The following NCALD variants were observed in gnomAD, a reference collection of about 807,000 sequenced individuals.
NCALD encodes the protein neurocalcin-delta.
NCALD carries 10 observed loss-of-function variants against 18.6 expected under a neutral mutation model. The observed-to-expected ratio is 0.54, with a 90% CI of 0.33 to 0.91. The LOEUF is 0.91. Ranked by LOEUF, NCALD falls within the 40% of genes least tolerant of loss-of-function variation. The probability of loss-of-function intolerance (pLI) is 0.03; values close to 1 mark genes in which losing one functional copy is unlikely to be tolerated. For synonymous variants in NCALD, 88 were observed against 87.4 expected (o/e 1.01, Z -0.04); for missense variants, 184 against 247.6 (o/e 0.74, Z 1.72).
At position 101,820,904 on chromosome 8, in the gene NCALD, A is replaced by T. The variant is rs112502660; in HGVS notation, c.-20+66237T>A. On this transcript the variant is annotated intron_variant, in intron 4 of 6. Coordinates refer to the NCALD transcript ENST00000311028. ...AATGGCAAATAACCAGAAATTTGGG[A>T]AAGCAATCAGAGAGCAAGACCAAAT... Among the ~76,000 whole-genome samples, 864 of 152,342 alleles carry T rather than the reference A, an allele frequency of 5.7e-3. 11 individuals are homozygous for T. Among genetic ancestry groups the T allele is most frequent in the African/African-American group, 0.018 (759 of 41,568 alleles).
intron 1 of NCALD, among the ~76,000 whole-genome samples, chr8:101,755,490 C>A (rs7017754): frequency 0.7 from 106,671 of 152,024 alleles, 38,028 homozygotes; most frequent in Non-Finnish European, 0.77. Context: ...GGACACAGAT[C>A]ATTTTCATGC....
At chr8:101,725,798 G>A (rs77986693) in intron 1 of NCALD, among the ~76,000 whole-genome samples, 5,356 of 152,264 alleles carry the variant, frequency 0.035, 297 homozygotes, top group African/African-American at 0.12. Context: ...TCCCATCTCC[G>A]TGGCACTTAT....
intron 4 of NCALD, among the ~76,000 whole-genome samples, chr8:101,874,849 TC>T (rs1278869460): frequency 6.6e-6 from 1 of 151,710 alleles, no homozygotes; most frequent in Non-Finnish European, 1.5e-5. Context: ...TTTTAACTCC[TC>T]TCCTCTTCCT....
At chr8:102,115,302 C>T (rs998142235) in intron 1 of NCALD, among the ~76,000 whole-genome samples, 3 of 152,148 alleles carry the variant, frequency 2.0e-5, no homozygotes, top group African/African-American at 4.8e-5. Flanking sequence ...CATGAAGGGG[C>T]ACTTTACCTT....
intron 4 of NCALD, among the ~76,000 whole-genome samples, chr8:101,812,349 G>A (rs1000568925): frequency 3.9e-5 from 6 of 152,252 alleles, no homozygotes; most frequent in Middle Eastern, 3.4e-3. Context: ...TCCAAAATGA[G>A]ATGTTCAGTT....
chr8:101,877,194 C>T lies in NCALD; in HGVS notation c.-20+9947G>A, dbSNP rs184323210. ...AACGCATCTACAAATATATATCCTT[C>T]TGATTCAAAGATAATACTGATTTAA... On this transcript the variant is annotated intron_variant, in intron 4 of 6. Transcript: ENST00000311028. Among the ~76,000 whole-genome samples, 180 of 152,368 alleles carry T rather than the reference C, an allele frequency of 1.2e-3. 1 individual carries two copies. The highest frequency in any genetic ancestry group is 3.4e-3 in the Middle Eastern group (1 of 294).
intron 2 of NCALD, among the ~76,000 whole-genome samples, chr8:101,716,235 C>T (rs906729986): frequency 5.9e-5 from 9 of 151,948 alleles, no homozygotes; most frequent in African/African-American, 1.2e-4. Flanking sequence ...AACCAAACAG[C>T]GCATGTTCTC....
At chr8:101,868,253 A>G (rs1181404709) in intron 4 of NCALD, among the ~76,000 whole-genome samples, 1 of 152,022 alleles carries the variant, frequency 6.6e-6, no homozygotes, top group Non-Finnish European at 1.5e-5. Context: ...GCTCCTCCTC[A>G]TGCATCAAGG....
chr8:101,816,582 C>A (rs1428103522), intron 4 of NCALD, among the ~76,000 whole-genome samples: 1 of 152,116 alleles, frequency 6.6e-6, no homozygotes, highest in Non-Finnish European at 1.5e-5. Flanking sequence ...ATGAGGAGGG[C>A]TCCTGTGTCA....
chr8:101,844,654 C>T (rs546187734), intron 4 of NCALD, among the ~76,000 whole-genome samples: 1 of 152,252 alleles, frequency 6.6e-6, no homozygotes, highest in African/African-American at 2.4e-5. Flanking sequence ...AGCCACTGCA[C>T]CTGACCCTCT....
intron 2 of NCALD, among the ~76,000 whole-genome samples, chr8:102,013,084 G>A (rs968790607): frequency 1.3e-5 from 2 of 151,912 alleles, no homozygotes; most frequent in Admixed American, 1.3e-4. Flanking sequence ...TACTACCTAG[G>A]CACATAAAAC....
chr8:101,700,765 T>C (rs577014943), intron 2 of NCALD, among the ~76,000 whole-genome samples: 2 of 152,274 alleles, frequency 1.3e-5, no homozygotes, highest in Non-Finnish European at 2.9e-5. Context: ...AGTATTAGGC[T>C]AAAGGAGTGG....
intron 4 of NCALD, among the ~76,000 whole-genome samples, chr8:101,806,500 A>G (rs1349144520): frequency 4.6e-5 from 7 of 152,222 alleles, no homozygotes; most frequent in African/African-American, 2.4e-5. Context: ...GAGAATATCA[A>G]TAAAGAGATA....
At chr8:101,937,602 T>C (rs1025103637) in intron 2 of NCALD, among the ~76,000 whole-genome samples, 3 of 152,212 alleles carry the variant, frequency 2.0e-5, no homozygotes, top group African/African-American at 7.2e-5. Flanking sequence ...TATAGTTCAT[T>C]TCCATTTCTT....
intron 2 of NCALD, among the ~76,000 whole-genome samples, chr8:101,975,710 C>T (rs1264106449): frequency 6.6e-6 from 1 of 152,154 alleles, no homozygotes; most frequent in African/African-American, 2.4e-5. Flanking sequence ...AGAGGTTCAC[C>T]TTCCAAAGCT....
chr8:101,781,502 A>G (rs1446388519), intron 1 of NCALD, among the ~76,000 whole-genome samples: 1 of 152,216 alleles, frequency 6.6e-6, no homozygotes, highest in African/African-American at 2.4e-5. Flanking sequence ...ACCAATTTAC[A>G]AACCTTCACA....
intron 4 of NCALD, among the ~76,000 whole-genome samples, chr8:101,850,282 T>C (rs1815039061): frequency 1.3e-5 from 2 of 152,202 alleles, no homozygotes. Flanking sequence ...CAGATGACTC[T>C]TGTGTCAAGG....
At chr8:102,107,970 C>T (rs986414959) in intron 1 of NCALD, among the ~76,000 whole-genome samples, 3 of 152,150 alleles carry the variant, frequency 2.0e-5, no homozygotes, top group African/African-American at 4.8e-5. Flanking sequence ...AGGGAAATCT[C>T]AAAGGGCAAG....
At chr8:101,923,220 A>G (rs1818225874) in intron 2 of NCALD, among the ~76,000 whole-genome samples, 1 of 152,206 alleles carries the variant, frequency 6.6e-6, no homozygotes, top group African/African-American at 2.4e-5. Flanking sequence ...TGGACTTTCC[A>G]GCCTCCAGAA....
Sources: gnomAD v4.1 joint callset for allele counts (sites outside exome capture counted in the v4.1 genomes callset) on GRCh38, gnomAD v4.1.1 for gene constraint, MANE v1.5 for transcripts, NCBI Gene and HGNC (gene_info 2026-07-23, HGNC 2026-07-21) for gene names.